The following PRDM8 variants were observed in gnomAD, a reference collection of about 807,000 sequenced individuals.
The protein encoded by PRDM8 is PR domain zinc finger protein 8.
A neutral mutation model predicts 46.5 loss-of-function variants in PRDM8; 13 were observed. The observed-to-expected ratio is 0.28, with a 90% CI of 0.18 to 0.44. The LOEUF (loss-of-function observed/expected upper bound fraction) is 0.44, where lower values mean the gene tolerates loss of function less well. Among genes scored for constraint, PRDM8 ranks in the 20% least tolerant of loss-of-function variants. The pLI is 1.00. For synonymous variants in PRDM8, 473 were observed against 438.4 expected, an observed-to-expected ratio of 1.08 and a Z score of -0.98; for missense variants, 998 against 955.0, an observed-to-expected ratio of 1.04 and a Z score of -0.59.
At chr4:80,193,412 C>G, upstream of PRDM8, among the ~76,000 whole-genome samples, 1 of 151,954 alleles carries the variant, frequency 6.6e-6, no homozygotes. Flanking sequence ...AAATGTAAAA[C>G]AAACAAACAA....
intron 1 of PRDM8, among the ~76,000 whole-genome samples, 163 bp from the exon 2 acceptor site, chr4:80,199,916 T>C (rs1738299791): frequency 6.6e-6 from 1 of 152,136 alleles, no homozygotes; most frequent in Non-Finnish European, 1.5e-5. Context: ...TTTTCATCTT[T>C]AAAATATGCC....
At position 80,203,127 on chromosome 4, in the gene PRDM8, G is replaced by T. The variant is rs995440313; in HGVS notation, c.1665G>T (p.Leu555=). ...LAVKLQGAAD[L]NGGCGSLPSG... is the part of the protein sequence containing the mutation. ...TGAAGCTCCAGGGGGCCGCGGACCT[G>T]AACGGAGGTTGCGGGTCCCTGCCGA... The change falls in exon 4 of 4, where the codon CTG becomes CTT. Residue 555 remains leucine, a synonymous_variant. Transcript: ENST00000415738. 2 of 1,565,096 alleles carry T rather than the reference G, an allele frequency of 1.3e-6. No homozygotes were observed. The highest frequency in any genetic ancestry group is 1.4e-5 in the African/African-American group (1 of 73,188).
intron 1 of PRDM8, among the ~76,000 whole-genome samples, chr4:80,198,441 G>A (rs1289978546): frequency 6.6e-6 from 1 of 152,226 alleles, no homozygotes; most frequent in Non-Finnish European, 1.5e-5. Flanking sequence ...CGTTGAAAAG[G>A]AGATAAGAGG....
chr4:80,202,159 C>T lies in PRDM8; in HGVS notation c.697C>T (p.Leu233Phe). 6.2e-7 allele frequency: 1 copy of T among 1,610,754 alleles called. No individual in the cohort carries two copies. The highest frequency in any genetic ancestry group is 1.1e-5 in the South Asian group (1 of 90,984). The change falls in exon 4 of 4, where the codon CTC becomes TTC. Residue 233 changes from leucine (L) to phenylalanine (F), a missense_variant. Transcript: ENST00000415738. The stretch of plus-strand genomic sequence containing the variant: ...TCCCAAGTTTTGCAAAGCCGGCCCC[C>T]TCCACCACTACCCATCCCCCTCCCC... ...PGPKFCKAGP[L>F]HHYPSPSPES...
rs958718534 is a variant in PRDM8 at position 80,204,243 on chromosome 4, T to C, written c.*711T>C. 3 of 152,692 alleles carry C rather than the reference T, an allele frequency of 2.0e-5. No homozygotes were observed. The highest frequency in any genetic ancestry group is 7.2e-5 in the African/African-American group (3 of 41,466). 9.5% of individuals were successfully genotyped at this position (152,692 alleles called of 1,614,324 possible). Reference sequence around the variant, plus strand: ...AGTCTGAATAGTTATGTGTTTCTTTTATCCCTGGAAATATTTATTAAACTT... The same window carrying C: ...AGTCTGAATAGTTATGTGTTTCTTTCATCCCTGGAAATATTTATTAAACTT... On this transcript the variant is annotated 3_prime_UTR_variant, in exon 4 of 4. Coordinates refer to ENST00000415738, the MANE Select transcript of PRDM8 (RefSeq NM_001099403.2).
At chr4:80,197,878 C>A (rs956430204) in intron 1 of PRDM8, 115 bp downstream of exon 1, 24 of 871,382 alleles carry the variant, frequency 2.8e-5, no homozygotes, top group Admixed American at 6.2e-5. Context: ...AAAAATAATT[C>A]TTGAGGGGCT....
At position 80,200,127 on chromosome 4, in the gene PRDM8, A is replaced by G. The variant is rs1738318977; in HGVS notation, c.47A>G (p.Lys16Arg). The G allele has an allele frequency of 6.2e-7, 1 of 1,614,030 alleles. No individual in the cohort carries two copies. Among genetic ancestry groups the G allele is most frequent in the African/African-American group, 1.3e-5 (1 of 74,914 alleles). The stretch of plus-strand genomic sequence containing the variant: ...CGAGGCATCTGGGATGGAGATGCCA[A>G]GGCTGTCCAACAATGTCTGACAGAT... Reference protein sequence around the residue: ...IQRGIWDGDAKAVQQCLTDIF... With the variant: ...IQRGIWDGDARAVQQCLTDIF... Residue 16 changes from lysine to arginine, a missense_variant, in exon 2 of 4, where the codon AAG (lysine) becomes AGG (arginine). Transcript: ENST00000415738.
intron 1 of PRDM8, among the ~76,000 whole-genome samples, chr4:80,198,994 G>GTTTTTTTTTTTTTTTTTTTTT (rs1310531623): frequency 9.4e-5 from 6 of 63,504 alleles, no homozygotes; most frequent in Admixed American, 2.3e-4. Context: ...TTTTTTTTTT[G>GTTTTTTTTTTTTTTTTTTTTT]TTTTTTTTTT....
intron 1 of PRDM8, among the ~76,000 whole-genome samples, chr4:80,185,697 G>A (rs1737021936): frequency 6.6e-6 from 1 of 152,232 alleles, no homozygotes; most frequent in Non-Finnish European, 1.5e-5. Context: ...GGGCGCACCT[G>A]CAATACGGAT....
At chr4:80,192,322 A>G (rs1737613378) in intron 2 of PRDM8, among the ~76,000 whole-genome samples, 2 of 152,200 alleles carry the variant, frequency 1.3e-5, no homozygotes, top group Admixed American at 6.5e-5. Context: ...CCTAAAACAG[A>G]GAAGAAAAGG....
intron 1 of PRDM8, among the ~76,000 whole-genome samples, chr4:80,198,994 GTTTTTTTTTTTTTTTT>G (rs1310531623): frequency 1.6e-5 from 1 of 63,508 alleles, no homozygotes; most frequent in Non-Finnish European, 2.4e-5. Flanking sequence ...TTTTTTTTTT[GTTTTTTTTTTTTTTTT>G]TTTTTTTTAG....
intron 3 of PRDM8, 22 bp downstream of exon 3, chr4:80,201,543 G>A (rs372942390): frequency 1.9e-6 from 3 of 1,604,134 alleles, no homozygotes; most frequent in Admixed American, 1.7e-5. Context: ...CGCGACCGGC[G>A]TGTGGGCCCT....
chr4:80,200,792 A>G (rs1021368068), intron 2 of PRDM8, among the ~76,000 whole-genome samples: 6 of 152,370 alleles, frequency 3.9e-5, no homozygotes, highest in African/African-American at 1.4e-4. Flanking sequence ...CATCAAATCC[A>G]TATGTCTGAA....
At position 80,197,628 on chromosome 4, in the gene PRDM8, G is replaced by A; in HGVS notation, c.-138G>A. On this transcript the variant is annotated 5_prime_UTR_variant, in exon 1 of 4. Transcript: ENST00000415738. The stretch of plus-strand genomic sequence containing the variant: ...CATCTCTCTCTTATCTCTTCAGGAA[G>A]AGCCTAAAAGGCGGCAACACCAACA... 1 of 977,824 alleles carries A rather than the reference G, an allele frequency of 1.0e-6. No individual in the cohort carries two copies. Among genetic ancestry groups the A allele is most frequent in the South Asian group, 4.8e-5 (1 of 21,036 alleles). The allele number at this position is 977,824 out of a possible 1,614,324, so 60.6% of individuals were successfully genotyped here. A position where few individuals can be genotyped will look rare whatever the true frequency, so the allele number is the denominator to read the frequency against.
chr4:80,197,193 G>A (rs1268683535), upstream of PRDM8: 2 of 985,368 alleles, frequency 2.0e-6, no homozygotes, highest in Admixed American at 6.1e-5. Context: ...GTGAAACGGG[G>A]AAAGGCCCTC....
intron 1 of PRDM8, among the ~76,000 whole-genome samples, chr4:80,186,664 A>G (rs976564726): frequency 6.6e-6 from 1 of 152,188 alleles, no homozygotes; most frequent in African/African-American, 2.4e-5. Context: ...TTAGCTTTCA[A>G]TTGAAAACCA....
chr4:80,203,407 A>C lies in PRDM8; in HGVS notation c.1945A>C (p.Lys649Gln). 1 of 1,613,828 alleles carries C rather than the reference A, an allele frequency of 6.2e-7. No individual in the cohort carries two copies. The highest frequency in any genetic ancestry group is 1.1e-5 in the South Asian group (1 of 90,976). The change falls in exon 4 of 4, where the codon AAA becomes CAA. Residue 649 changes from lysine to glutamine, a missense_variant. Physicochemically the swap from Lys to Gln is moderately conservative, Grantham distance 53. Transcript: ENST00000415738. ...DLVYHMRSHH[K>Q]KEYAMEPLVK... The stretch of plus-strand genomic sequence containing the variant: ...GGTGTACCATATGAGGTCGCACCAC[A>C]AAAAGGAGTATGCGATGGAGCCCTT...
rs755114294 is a variant in PRDM8, at chr4:80,202,473, A to C, written c.1011A>C (p.Val337=). The C allele has an allele frequency of 2.3e-4, 340 of 1,494,892 alleles. No homozygotes were observed. The African/African-American group carries it at 4.3e-3, about 19-fold the overall frequency. 92.6% of individuals were successfully genotyped at this position (1,494,892 alleles called of 1,614,324 possible). The change falls in exon 4 of 4, where the codon GTA becomes GTC. Residue 337 remains valine (V), a synonymous_variant. Coordinates refer to ENST00000415738, the MANE Select transcript of PRDM8 (RefSeq NM_001099403.2). ...AGLVGGRGRF[V]ERPLPASKED... ...TGGTAGGGGGCCGGGGCCGCTTCGTAGAGCGGCCCCTCCCGGCCTCCAAGG... is the reference window on the plus strand; with the variant it reads ...TGGTAGGGGGCCGGGGCCGCTTCGTCGAGCGGCCCCTCCCGGCCTCCAAGG...
intron 1 of PRDM8, among the ~76,000 whole-genome samples, chr4:80,188,670 CA>C (rs1021445553): frequency 6.6e-6 from 1 of 152,218 alleles, no homozygotes; most frequent in Non-Finnish European, 1.5e-5. Flanking sequence ...TGGGAACCCA[CA>C]ACTGACCGCT....
Sources: allele counts gnomAD v4.1 joint callset (sites outside exome capture counted in the v4.1 genomes callset), GRCh38; gene constraint gnomAD v4.1.1; transcripts MANE v1.5; gene names NCBI Gene and HGNC (gene_info 2026-07-23, HGNC 2026-07-21).